The following ANKRD33B variants were observed in gnomAD, a reference collection of about 807,000 sequenced individuals.
The protein encoded by ANKRD33B is ankyrin repeat domain 33B.
Under a neutral mutation model 21.5 loss-of-function variants are expected in ANKRD33B, and 6 were observed. That is an observed-to-expected ratio of 0.28 (90% CI 0.15 to 0.55). The LOEUF is 0.55. Among genes scored for constraint, ANKRD33B ranks in the 20% least tolerant of loss-of-function variants. The pLI is 0.94. For missense variants in ANKRD33B, 698 were observed against 747.2 expected, an observed-to-expected ratio of 0.93 and a Z score of 0.77; for synonymous variants, 347 against 342.4, an observed-to-expected ratio of 1.01 and a Z score of -0.15.
Position 10,638,162 on chromosome 5 carries a change from C to G in ANKRD33B, c.631C>G (p.Leu211Val). The G allele has an allele frequency of 6.5e-7, 1 of 1,537,386 alleles. No individual in the cohort carries two copies. Among genetic ancestry groups the G allele is most frequent in the Non-Finnish European group, 8.7e-7 (1 of 1,146,876 alleles). ...GRTDCIRALM[L>V]AGADVHARDP... Reference sequence around the variant, plus strand: ...AACGGACTGCATCCGAGCCCTGATGCTAGCAGGTATGTCCACCTGTCCTGT... The same window carrying G: ...AACGGACTGCATCCGAGCCCTGATGGTAGCAGGTATGTCCACCTGTCCTGT... Residue 211 changes from leucine (L) to valine (V), a missense_variant, in exon 3 of 4, where the codon CTA (leucine) becomes GTA (valine). Leu to Val is a conservative substitution (Grantham distance 32). Around this residue, in one of 3 missense-constraint regions of ANKRD33B, gnomAD observed 543 missense variants for 566.5 expected, o/e 0.96. Coordinates refer to ENST00000296657, the MANE Select transcript of ANKRD33B (RefSeq NM_001164440.2).
intron 1 of ANKRD33B, among the ~76,000 whole-genome samples, chr5:10,600,456 A>G (rs1241913641): frequency 6.6e-6 from 1 of 152,260 alleles, no homozygotes; most frequent in African/African-American, 2.4e-5. Context: ...TCAATGTAAT[A>G]TGCATGAGAT....
intron 2 of ANKRD33B, among the ~76,000 whole-genome samples, chr5:10,624,222 C>T (rs1409179025): frequency 4.0e-5 from 6 of 151,126 alleles, no homozygotes; most frequent in African/African-American, 1.5e-4. Flanking sequence ...CTCTGCTTCC[C>T]AGGTTCAAGC....
rs1359236297 is a variant in ANKRD33B, at chr5:10,654,568, TC to T, written c.*4457del. On this transcript the variant is annotated 3_prime_UTR_variant, in exon 4 of 4. Transcript: ENST00000296657. Reference sequence around the variant, plus strand: ...CTGGAGCTCACCCTTGATGGAGACTTCCTTGGTGATTGGAGATGGGGGACTC... The same window carrying T: ...CTGGAGCTCACCCTTGATGGAGACTTCTTGGTGATTGGAGATGGGGGACTC... 1.3e-5 allele frequency: 2 copies of T among 152,548 alleles called. No individual in the cohort carries two copies. The highest frequency in any genetic ancestry group is 2.9e-5 in the Non-Finnish European group (2 of 68,078). The allele number at this position is 152,548 out of a possible 1,614,324, so 9.4% of individuals were successfully genotyped here.
intron 1 of ANKRD33B, among the ~76,000 whole-genome samples, chr5:10,617,222 T>C (rs1686299074): frequency 6.6e-6 from 1 of 152,218 alleles, no homozygotes; most frequent in African/African-American, 2.4e-5. Context: ...TCAGTGTATG[T>C]ATCCAGCTTG....
intron 1 of ANKRD33B, among the ~76,000 whole-genome samples, chr5:10,573,090 A>G (rs1370147506): frequency 6.6e-6 from 1 of 152,192 alleles, no homozygotes; most frequent in Non-Finnish European, 1.5e-5. Context: ...TTTCACTTCT[A>G]CCTCAATTTC....
intron 2 of ANKRD33B, among the ~76,000 whole-genome samples, chr5:10,627,071 T>A (rs1736569870): frequency 6.6e-6 from 1 of 152,150 alleles, no homozygotes; most frequent in South Asian, 2.1e-4. Context: ...AAAGTCTAAT[T>A]TCCTCGGCTA....
Position 10,591,194 on chromosome 5 carries a change from G to GTTTTTTTTTTTTTTTTTTT in ANKRD33B, c.366+26361_366+26362insTTTTTTTTTTTTTTTTTTT, listed in dbSNP as rs749837253. On this transcript the variant is annotated intron_variant, in intron 1 of 3. Transcript: ENST00000296657. Reference sequence around the variant, plus strand: ...AATAGTCATCTACATTTTTTTTAGTGGTTTTTTTTTTTTTTTGAGATGGAG... The same window carrying GTTTTTTTTTTTTTTTTTTT: ...AATAGTCATCTACATTTTTTTTAGTGTTTTTTTTTTTTTTTTTTTGTTTTTTTTTTTTTTTGAGATGGAG... Among the ~76,000 whole-genome samples, 4 of 113,456 alleles carry GTTTTTTTTTTTTTTTTTTT rather than the reference G, an allele frequency of 3.5e-5. 1 individual carries two copies. Among genetic ancestry groups the GTTTTTTTTTTTTTTTTTTT allele is most frequent in the African/African-American group, 9.7e-5 (3 of 30,794 alleles). 74.4% of individuals were successfully genotyped at this position (113,456 alleles called of 152,430 possible).
chr5:10,585,409 G>T (rs992512427), intron 1 of ANKRD33B, among the ~76,000 whole-genome samples: 1 of 152,330 alleles, frequency 6.6e-6, no homozygotes, highest in Admixed American at 6.5e-5. Context: ...CTGATCTGTG[G>T]TCCTTAACTT....
chr5:10,595,603 AC>A (rs1485389445), intron 1 of ANKRD33B, among the ~76,000 whole-genome samples: 2 of 152,156 alleles, frequency 1.3e-5, no homozygotes, highest in Non-Finnish European at 2.9e-5. Flanking sequence ...TCAACCTACT[AC>A]AGGCAGTTAC....
intron 3 of ANKRD33B, among the ~76,000 whole-genome samples, chr5:10,638,967 GCGATGTTAGCGGGTGACGCGGA>G (rs1736946940): frequency 2.2e-5 from 2 of 92,154 alleles, no homozygotes; most frequent in Non-Finnish European, 4.7e-5. Flanking sequence ...GAGTTGCACG[GCGATGTTAGCGGGTGACGCGGA>G]GTTGCGCGGC....
At chr5:10,611,859 A>G (rs1412110110) in intron 1 of ANKRD33B, among the ~76,000 whole-genome samples, 1 of 152,218 alleles carries the variant, frequency 6.6e-6, no homozygotes, top group Non-Finnish European at 1.5e-5. Context: ...TTGATTGGGA[A>G]GGGTTTGCCT....
intron 3 of ANKRD33B, among the ~76,000 whole-genome samples, chr5:10,644,601 C>T (rs1737147406): frequency 6.6e-6 from 1 of 152,214 alleles, no homozygotes; most frequent in African/African-American, 2.4e-5. Context: ...ATCAGAGATG[C>T]TCCCGCTGTG....
chr5:10,568,824 G>A (rs564098971), intron 1 of ANKRD33B, among the ~76,000 whole-genome samples: 2 of 152,228 alleles, frequency 1.3e-5, no homozygotes, highest in South Asian at 2.1e-4. Context: ...GTGAGGCACC[G>A]CGCCTGCCCT....
intron 1 of ANKRD33B, among the ~76,000 whole-genome samples, chr5:10,571,123 C>G (rs1735178164): frequency 6.6e-6 from 1 of 152,072 alleles, no homozygotes; most frequent in Admixed American, 6.6e-5. Context: ...GTGACTTTGC[C>G]CCTGATCTAC....
rs372483843 is a variant in ANKRD33B, at chr5:10,655,313, A to G, written c.*5200A>G. The stretch of plus-strand genomic sequence containing the variant: ...GCCTGCTGTTTTCAGGCTGTTGGGA[A>G]GAATCGTGCGTACCGAGTGATTATG... On this transcript the variant is annotated 3_prime_UTR_variant, in exon 4 of 4. Transcript: ENST00000296657. 3 of 152,314 alleles carry G rather than the reference A, an allele frequency of 2.0e-5. No individual in the cohort carries two copies. Among genetic ancestry groups the G allele is most frequent in the African/African-American group, 7.2e-5 (3 of 41,426 alleles). 9.4% of individuals were successfully genotyped at this position (152,314 alleles called of 1,614,324 possible). A position where few individuals can be genotyped will look rare whatever the true frequency, so the allele number is the denominator to read the frequency against.
At chr5:10,643,232 A>G (rs1223736383) in intron 3 of ANKRD33B, among the ~76,000 whole-genome samples, 1 of 152,048 alleles carries the variant, frequency 6.6e-6, no homozygotes, top group East Asian at 1.9e-4. Context: ...CACTACTAAC[A>G]TGCAGAGCCA....
At chr5:10,612,198 A>T (rs1736185659) in intron 1 of ANKRD33B, among the ~76,000 whole-genome samples, 3 of 152,254 alleles carry the variant, frequency 2.0e-5, no homozygotes, top group Non-Finnish European at 4.4e-5. Context: ...ATGATGTCTT[A>T]GTCCGTTTAG....
intron 1 of ANKRD33B, among the ~76,000 whole-genome samples, chr5:10,593,803 C>G (rs1181186699): frequency 2.6e-5 from 4 of 152,012 alleles, no homozygotes; most frequent in African/African-American, 4.8e-5. Flanking sequence ...CCACCCCTCT[C>G]AACTCACTTA....
chr5:10,580,883 C>T (rs1000133567), intron 1 of ANKRD33B, among the ~76,000 whole-genome samples: 11 of 152,264 alleles, frequency 7.2e-5, no homozygotes, highest in Middle Eastern at 3.4e-3. Flanking sequence ...TTAGATCCCT[C>T]CTGTCATTAA....
Sources: gnomAD v4.1 joint callset for allele counts (sites outside exome capture counted in the v4.1 genomes callset) on GRCh38, gnomAD v4.1.1 for gene constraint, gnomAD v4.1.1 regional missense constraint, MANE v1.5 for transcripts, NCBI Gene and HGNC (gene_info 2026-07-23, HGNC 2026-07-21) for gene names.